Variants in INTS7 observed in about 807,000 individuals in gnomAD.
INTS7 encodes the protein chromosome 1 open reading frame 73.
A neutral mutation model predicts 109.2 loss-of-function variants in INTS7; 46 were observed. The ratio of observed to expected loss-of-function variants is 0.42; its 90% CI spans 0.33 to 0.54. The LOEUF (loss-of-function observed/expected upper bound fraction) is 0.54. INTS7 is among the 20% of genes least tolerant of loss of function. INTS7 has a pLI of 0.07. For missense variants in INTS7, 929 were observed against 1,132.4 expected, an observed-to-expected ratio of 0.82 and a Z score of 2.58; for synonymous variants, 412 against 402.9, an observed-to-expected ratio of 1.02 and a Z score of -0.27.
intron 1 of INTS7, 88 bp from the exon 2 acceptor site, chr1:212,021,300 A>C: frequency 9.1e-7 from 1 of 1,096,378 alleles, no homozygotes. Flanking sequence ...TTTACTAGAT[A>C]GTAAAGAAAT....
intron 4 of INTS7, among the ~76,000 whole-genome samples, chr1:212,013,700 AT>A (rs1666265082): frequency 6.6e-6 from 1 of 152,092 alleles, no homozygotes; most frequent in Non-Finnish European, 1.5e-5. Flanking sequence ...TTTATGCCAT[AT>A]TTTTACTGAG....
rs768232851 is a variant in INTS7, at chr1:211,987,902, G to A, written c.981C>T (p.Tyr327=). 1.1e-5 allele frequency: 17 copies of A among 1,586,254 alleles called. No individual in the cohort carries two copies. The African/African-American group carries it at 1.9e-4, about 18-fold the overall frequency. ...TLSGTIAIKH[Y]FSIVPGNVSS... is the part of the protein sequence containing the mutation. Reference sequence around the variant, plus strand: ...TTTCCTTACCTGGAACTATACTGAAGTAATGTTTGATGGCGATGGTCCCTG... The same window carrying A: ...TTTCCTTACCTGGAACTATACTGAAATAATGTTTGATGGCGATGGTCCCTG... The change falls in exon 8 of 20, where the codon TAC becomes TAT. Residue 327 remains tyrosine, a synonymous_variant. Coordinates refer to ENST00000366994, the MANE Select transcript of INTS7 (RefSeq NM_015434.4).
Position 212,006,631 on chromosome 1 carries a change from C to T in INTS7, c.879+8G>A. On this transcript the variant is annotated splice_region_variant and intron_variant, in intron 7 of 19. Transcript: ENST00000366994. ...TTTTCTATATAAAATGTTACAAGTT[C>T]TACATACCTGAATATTCTCCCTACT... 6.8e-7 allele frequency: 1 copy of T among 1,474,146 alleles called. No individual in the cohort carries two copies. Among genetic ancestry groups the T allele is most frequent in the Non-Finnish European group, 9.3e-7 (1 of 1,073,622 alleles). The allele number at this position is 1,474,146 out of a possible 1,614,324, so 91.3% of individuals were successfully genotyped here. A position where few individuals can be genotyped will look rare whatever the true frequency, so the allele number is the denominator to read the frequency against.
At chr1:212,000,439 C>T (rs1256075520) in intron 7 of INTS7, among the ~76,000 whole-genome samples, 2 of 152,048 alleles carry the variant, frequency 1.3e-5, no homozygotes, top group Non-Finnish European at 2.9e-5. Context: ...TTAACCACTC[C>T]AGAGTATAGA....
At chr1:211,961,565 G>C (rs541891694) in intron 16 of INTS7, among the ~76,000 whole-genome samples, 61 of 152,096 alleles carry the variant, frequency 4.0e-4, no homozygotes, top group Non-Finnish European at 7.6e-4. Flanking sequence ...GAGTAACTGG[G>C]ATTACAGGCA....
Position 211,946,501 on chromosome 1 carries a change from C to A in INTS7, c.2415+106G>T. On this transcript the variant is annotated intron_variant, in intron 18 of 19. Coordinates refer to ENST00000366994, the MANE Select transcript of INTS7 (RefSeq NM_015434.4). The surrounding 1 kb of genome is among the most constrained non-coding windows in gnomAD (Gnocchi z 4.3). ...AAAAAACAAAACAAAACAAAAAAAC[C>A]AATAAACCAAAGGTAACACACTGAA... 2 of 660,932 alleles carry A rather than the reference C, an allele frequency of 3.0e-6. No individual in the cohort carries two copies. The highest frequency in any genetic ancestry group is 5.2e-6 in the Non-Finnish European group (2 of 386,546). The allele number at this position is 660,932 out of a possible 1,614,324, so 40.9% of individuals were successfully genotyped here. A position where few individuals can be genotyped will look rare whatever the true frequency, so the allele number is the denominator to read the frequency against.
intron 4 of INTS7, among the ~76,000 whole-genome samples, chr1:212,011,849 A>G (rs1230823553): frequency 1.3e-5 from 2 of 152,264 alleles, no homozygotes; most frequent in Non-Finnish European, 2.9e-5. Flanking sequence ...CTTAGAATTT[A>G]AAAATCTGTT....
rs556965130 is a variant in INTS7, at chr1:211,993,764, C to T, written c.880-5761G>A. On this transcript the variant is annotated intron_variant, in intron 7 of 19. Coordinates refer to ENST00000366994, the MANE Select transcript of INTS7 (RefSeq NM_015434.4). ...ACACAAGCTAAGATGGTTATTTATC[C>T]CAGCATGGCATCAAAAAAATCTAAA... is the stretch of plus-strand genomic sequence containing the variant. Among the ~76,000 whole-genome samples the T allele has an allele frequency of 2.6e-5, 4 of 151,320 alleles. No homozygotes were observed. The South Asian group carries it at 8.4e-4, about 32-fold the overall frequency.
At chr1:211,969,788 G>A (rs1411155587) in intron 13 of INTS7, among the ~76,000 whole-genome samples, 7 of 150,336 alleles carry the variant, frequency 4.7e-5, no homozygotes, top group Non-Finnish European at 8.8e-5. Context: ...GCACGATCTC[G>A]GCTCACTGCA....
intron 4 of INTS7, among the ~76,000 whole-genome samples, chr1:212,014,911 C>G (rs1666340904): frequency 6.6e-6 from 1 of 152,218 alleles, no homozygotes; most frequent in African/African-American, 2.4e-5. Flanking sequence ...ACCTCCCAGC[C>G]GCCTGCCTTG....
In INTS7 at chr1:211,967,992, A is replaced by AAAT; in HGVS notation, c.2011-14_2011-12dup. The AAAT allele has an allele frequency of 6.9e-7, 1 of 1,450,964 alleles. No individual in the cohort carries two copies. The highest frequency in any genetic ancestry group is 9.5e-7 in the Non-Finnish European group (1 of 1,056,028). 89.9% of individuals were successfully genotyped at this position (1,450,964 alleles called of 1,614,324 possible). A position where few individuals can be genotyped will look rare whatever the true frequency, so the allele number is the denominator to read the frequency against. On this transcript the variant is annotated splice_polypyrimidine_tract_variant and intron_variant, in intron 14 of 19. Transcript: ENST00000366994. Reference sequence around the variant, plus strand: ...CATGGACTGTTTCATCTATAAAAAAAAATCAATTATGACAAACAAACATGC... The same window carrying AAAT: ...CATGGACTGTTTCATCTATAAAAAAAAATAATCAATTATGACAAACAAACATGC...
At chr1:211,972,450 C>T (rs886411637) in intron 13 of INTS7, among the ~76,000 whole-genome samples, 4 of 152,120 alleles carry the variant, frequency 2.6e-5, no homozygotes, top group African/African-American at 7.2e-5. Context: ...TTCATTGGAA[C>T]GTTTCAAATT....
intron 16 of INTS7, among the ~76,000 whole-genome samples, chr1:211,956,281 TTTATA>T (rs1247260473): frequency 6.6e-6 from 1 of 152,210 alleles, no homozygotes; most frequent in African/African-American, 2.4e-5. Context: ...TTACTGTAGT[TTTATA>T]TTAAGTCTTG....
chr1:211,994,259 C>T (rs921230541), intron 7 of INTS7, among the ~76,000 whole-genome samples: 1 of 152,128 alleles, frequency 6.6e-6, no homozygotes, highest in Non-Finnish European at 1.5e-5. Context: ...TCAAAATCAA[C>T]ACCTTATTAC....
At chr1:211,987,793 T>C (rs1297534689) in intron 8 of INTS7, 93 bp downstream of exon 8, 1 of 645,058 alleles carries the variant, frequency 1.6e-6, no homozygotes, top group African/African-American at 1.9e-5. Context: ...TTTTCCCTGA[T>C]GTTAAAGCTT....
At position 211,968,525 on chromosome 1, in the gene INTS7, G is replaced by A; in HGVS notation, c.1998C>T (p.Arg666=). ...TLGNDLQRCG[R]ISNQMKQSME... ...AGTTAAGACATGCCTGATTGGAGAT[G>A]CGACCACACCTCTGGAGGTCATTTC... Residue 666 remains arginine, a synonymous_variant, in exon 14 of 20, where the codon CGC becomes CGT. Transcript: ENST00000366994. 1.2e-6 allele frequency: 2 copies of A among 1,612,236 alleles called. No individual in the cohort carries two copies. Among genetic ancestry groups the A allele is most frequent in the Non-Finnish European group, 8.5e-7 (1 of 1,179,070 alleles).
chr1:212,028,873 C>T (rs1384037418), intron 1 of INTS7, among the ~76,000 whole-genome samples: 1 of 152,108 alleles, frequency 6.6e-6, no homozygotes, highest in African/African-American at 2.4e-5. Flanking sequence ...AAGCAATTTG[C>T]GTAAGAAACA....
At position 211,975,191 on chromosome 1, in the gene INTS7, T is replaced by C; in HGVS notation, c.1790A>G (p.Tyr597Cys). 7.4e-6 allele frequency: 12 copies of C among 1,613,428 alleles called. No homozygotes were observed. The highest frequency in any genetic ancestry group is 1.3e-5 in the African/African-American group (1 of 75,046). ...TGTTAAGGAAGCAATCCCTTTGTGA[T>C]AGAATTTTAAAGATTCAGCAATGCA... ...LSCIAESLKF[Y>C]HKGIASLTAA... The change falls in exon 13 of 20, where the codon TAT (tyrosine) becomes TGT (cysteine). Residue 597 changes from tyrosine to cysteine, a missense_variant. Coordinates refer to ENST00000366994, the MANE Select transcript of INTS7 (RefSeq NM_015434.4).
At chr1:212,008,891 G>T (rs12402869) in intron 5 of INTS7, among the ~76,000 whole-genome samples, 7,729 of 152,100 alleles carry the variant, frequency 0.051, 283 homozygotes, top group Admixed American at 0.082. Flanking sequence ...TTACCATGCC[G>T]ATCCATTTCC....
Sources: gnomAD v4.1 joint callset for allele counts (sites outside exome capture counted in the v4.1 genomes callset) on GRCh38, gnomAD v4.1.1 for gene constraint, Gnocchi (gnomAD v3.1) non-coding constraint, MANE v1.5 for transcripts, NCBI Gene and HGNC (gene_info 2026-07-23, HGNC 2026-07-21) for gene names.